MCCC2: variants seen among roughly 807,000 people sequenced by gnomAD.
MCCC2 encodes methylcrotonoyl-CoA carboxylase beta chain, mitochondrial.
Under a neutral mutation model 77.2 loss-of-function variants are expected in MCCC2, and 52 were observed. That is an observed-to-expected ratio of 0.67 (90% CI 0.54 to 0.85). The LOEUF is 0.85. Among genes scored for constraint, MCCC2 ranks in the 40% least tolerant of loss-of-function variants. The pLI is 0.00. For missense variants in MCCC2, 682 were observed against 703.2 expected, an observed-to-expected ratio of 0.97 and a Z score of 0.34; for synonymous variants, 253 against 248.4, an observed-to-expected ratio of 1.02 and a Z score of -0.18.
chr5:71,640,969 A>T, intron 10 of MCCC2, 34 bp from the exon 11 acceptor site: 1 of 1,581,448 alleles, frequency 6.3e-7, no homozygotes, highest in Non-Finnish European at 8.7e-7. Context: ...TTTGCAATAT[A>T]ATTTCTCAAG....
chr5:71,633,135 T>A (rs1225901807), intron 8 of MCCC2, among the ~76,000 whole-genome samples: 49 of 129,186 alleles, frequency 3.8e-4, no homozygotes, highest in African/African-American at 1.6e-3. Context: ...ATATATATTT[T>A]TATTTTTTGT....
intron 12 of MCCC2, among the ~76,000 whole-genome samples, chr5:71,644,360 C>G (rs1317448429): frequency 6.6e-6 from 1 of 151,980 alleles, no homozygotes; most frequent in Admixed American, 6.6e-5. Flanking sequence ...CTCTTCTATC[C>G]CATTATCGCT....
Position 71,641,074 on chromosome 5 carries a change from A to G in MCCC2, c.1071A>G (p.Thr357=). The G allele has an allele frequency of 1.2e-6, 2 of 1,612,554 alleles. No individual in the cohort carries two copies. The highest frequency in any genetic ancestry group is 1.7e-6 in the Non-Finnish European group (2 of 1,178,544). ...FKAFYGDTLV[T]GFARIFGYPV... is the part of the protein sequence containing the mutation. ...CCTTTTATGGAGACACATTAGTTAC[A>G]GGTATAAAGGTGAAGAATTGAAAAT... is the stretch of plus-strand genomic sequence containing the variant. Residue 357 remains threonine, a splice_region_variant and synonymous_variant, in exon 11 of 17, where the codon ACA becomes ACG. Coordinates refer to ENST00000340941, the MANE Select transcript of MCCC2 (RefSeq NM_022132.5).
At chr5:71,630,386 A>G (rs1003121754) in intron 7 of MCCC2, among the ~76,000 whole-genome samples, 9 of 151,738 alleles carry the variant, frequency 5.9e-5, no homozygotes, top group African/African-American at 1.9e-4. Context: ...AGCTGTTTTA[A>G]TTTTCTCTTT....
At chr5:71,651,642 A>C (rs1015374638) in intron 15 of MCCC2, among the ~76,000 whole-genome samples, 1 of 152,174 alleles carries the variant, frequency 6.6e-6, no homozygotes, top group African/African-American at 2.4e-5. Context: ...TCCATGCCTC[A>C]CATCCCTAGT....
At chr5:71,647,855 G>A (rs944302458) in intron 13 of MCCC2, among the ~76,000 whole-genome samples, 2 of 152,078 alleles carry the variant, frequency 1.3e-5, no homozygotes, top group Non-Finnish European at 2.9e-5. Flanking sequence ...TCTTAAGATT[G>A]GAAGAAGAAG....
rs1747113388 is a variant in MCCC2, at chr5:71,641,200, G to A, written c.1072+125G>A. ...TGTTGAGAGCACTACAAATGTGTGA[G>A]CCACTTTTAAAAGGAACTGCTTTAT... On this transcript the variant is annotated intron_variant, in intron 11 of 16. Transcript: ENST00000340941. The A allele has an allele frequency of 4.8e-6, 4 of 829,974 alleles. No individual in the cohort carries two copies. In the East Asian group the frequency reaches 1.0e-4, roughly 22 times the overall value. 51.4% of individuals were successfully genotyped at this position (829,974 alleles called of 1,614,324 possible). A position where few individuals can be genotyped will look rare whatever the true frequency, so the allele number is the denominator to read the frequency against.
chr5:71,592,976 G>T lies in MCCC2; in HGVS notation c.180G>T (p.Val60=). The T allele has an allele frequency of 6.2e-7, 1 of 1,613,264 alleles. No individual in the cohort carries two copies. The highest frequency in any genetic ancestry group is 8.5e-7 in the Non-Finnish European group (1 of 1,179,446). ...TAGTAAATCAGCTCCATGAACGAGTGGAGCATATAAAACTAGGTAAACACA... is the reference window on the plus strand; with the variant it reads ...TAGTAAATCAGCTCCATGAACGAGTTGAGCATATAAAACTAGGTAAACACA... ...KALVNQLHER[V]EHIKLGGGEK... is the part of the protein sequence containing the mutation. The change falls in exon 2 of 17, where the codon GTG becomes GTT. Residue 60 remains valine, a synonymous_variant. Coordinates refer to ENST00000340941, the MANE Select transcript of MCCC2 (RefSeq NM_022132.5).
At chr5:71,621,947 C>G (rs976023823) in intron 6 of MCCC2, among the ~76,000 whole-genome samples, 1 of 152,088 alleles carries the variant, frequency 6.6e-6, no homozygotes, top group African/African-American at 2.4e-5. Context: ...GATAGATACC[C>G]ATTCTTCATG....
intron 10 of MCCC2, among the ~76,000 whole-genome samples, chr5:71,639,569 A>G (rs1350438714): frequency 6.6e-6 from 1 of 152,216 alleles, no homozygotes; most frequent in East Asian, 1.9e-4. Context: ...AACCTTCTCC[A>G]TATCAGCAAC....
At chr5:71,612,011 A>G (rs1230179907) in intron 6 of MCCC2, among the ~76,000 whole-genome samples, 1 of 151,910 alleles carries the variant, frequency 6.6e-6, no homozygotes, top group Admixed American at 6.6e-5. Context: ...GATGGTCTCG[A>G]TCTCCTGACC....
chr5:71,641,038 TGAG>T lies in MCCC2; in HGVS notation c.1036_1038del (p.Glu346del). ...GAATCGTGGATGGAAGCAGATTCAC[TGAG>T]TTCAAAGCCTTTTATGGAGACACAT... On this transcript the variant is annotated inframe_deletion, in exon 11 of 17. Transcript: ENST00000340941. The T allele has an allele frequency of 6.2e-7, 1 of 1,614,134 alleles. No individual in the cohort carries two copies. The highest frequency in any genetic ancestry group is 8.5e-7 in the Non-Finnish European group (1 of 1,179,964).
intron 6 of MCCC2, among the ~76,000 whole-genome samples, chr5:71,607,882 A>G (rs12517007): frequency 0.75 from 85,298 of 113,448 alleles, 33,556 homozygotes; most frequent in East Asian, 0.86. Flanking sequence ...GTAGTTGAGC[A>G]GTTTTGAGTG....
At chr5:71,622,717 C>G (rs572801978) in intron 6 of MCCC2, among the ~76,000 whole-genome samples, 14 of 152,308 alleles carry the variant, frequency 9.2e-5, no homozygotes, top group Middle Eastern at 3.4e-3. Flanking sequence ...TAATGGTTTC[C>G]TGGTCTTGAA....
chr5:71,597,535 AG>A (rs1745235674), intron 3 of MCCC2, among the ~76,000 whole-genome samples: 2 of 152,032 alleles, frequency 1.3e-5, no homozygotes, highest in Admixed American at 6.6e-5. Flanking sequence ...ATAGGGTAGT[AG>A]TAGTGGTGGT....
chr5:71,624,755 C>T (rs1168880695), intron 6 of MCCC2, among the ~76,000 whole-genome samples: 2 of 138,806 alleles, frequency 1.4e-5, no homozygotes, highest in South Asian at 2.3e-4. Flanking sequence ...AGTGCAGTGG[C>T]GTGATCTCGG....
intron 6 of MCCC2, among the ~76,000 whole-genome samples, chr5:71,609,731 T>C (rs1157695320): frequency 6.6e-6 from 1 of 152,104 alleles, no homozygotes; most frequent in Non-Finnish European, 1.5e-5. Context: ...GATAGTGATG[T>C]ACAGATGGGT....
intron 10 of MCCC2, among the ~76,000 whole-genome samples, chr5:71,639,994 A>C (rs1747069482): frequency 1.3e-5 from 2 of 152,228 alleles, no homozygotes; most frequent in South Asian, 4.1e-4. Context: ...CGAAGTGCAA[A>C]CTATGTAGAA....
At chr5:71,651,651 G>A (rs1747440270) in intron 15 of MCCC2, among the ~76,000 whole-genome samples, 1 of 152,146 alleles carries the variant, frequency 6.6e-6, no homozygotes, top group South Asian at 2.1e-4. Flanking sequence ...CACATCCCTA[G>A]TTGTCTTTTC....
Sources: gnomAD v4.1 joint callset for allele counts (sites outside exome capture counted in the v4.1 genomes callset) on GRCh38, gnomAD v4.1.1 for gene constraint, MANE v1.5 for transcripts, NCBI Gene and HGNC (gene_info 2026-07-23, HGNC 2026-07-21) for gene names.